The following INTS7 variants were observed in gnomAD, a reference collection of about 807,000 sequenced individuals.
The protein encoded by INTS7 is chromosome 1 open reading frame 73.
Under a neutral mutation model 109.2 loss-of-function variants are expected in INTS7, and 46 were observed. The ratio of observed to expected loss-of-function variants is 0.42; its 90% confidence interval spans 0.33 to 0.54. INTS7 has a LOEUF of 0.54. Among genes scored for constraint, INTS7 ranks in the 20% least tolerant of loss-of-function variants. INTS7 has a pLI of 0.07. For synonymous variants in INTS7, 412 were observed against 402.9 expected (o/e 1.02, Z -0.27); for missense variants, 929 against 1,132.4 (o/e 0.82, Z 2.58).
At chr1:211,978,184 TAAAGTCA>T (rs1664499804) in intron 11 of INTS7, 81 bp downstream of exon 11, 2 of 1,464,808 alleles carry the variant, frequency 1.4e-6, no homozygotes, top group Non-Finnish European at 1.9e-6. Flanking sequence ...GTTTTTTAAG[TAAAGTCA>T]AATAGTAATG....
chr1:211,982,533 T>G (rs1048628993), intron 9 of INTS7, 143 bp downstream of exon 9: 10 of 573,276 alleles, frequency 1.7e-5, no homozygotes, highest in Non-Finnish European at 2.7e-5. Flanking sequence ...TAAGAACACA[T>G]GCTCTAAGAA....
intron 7 of INTS7, among the ~76,000 whole-genome samples, chr1:211,990,106 T>C (rs1466878868): frequency 6.6e-6 from 1 of 152,166 alleles, no homozygotes; most frequent in Non-Finnish European, 1.5e-5. Context: ...TCTCAAAAAT[T>C]TTTAAATATC....
intron 15 of INTS7, 38 bp downstream of exon 15, chr1:211,967,840 C>T (rs767914967): frequency 2.8e-5 from 32 of 1,125,496 alleles, no homozygotes; most frequent in Non-Finnish European, 4.1e-5. Flanking sequence ...AGAATACTTC[C>T]AAAAAGAACA....
At chr1:212,031,372 T>G (rs1211602321) in intron 1 of INTS7, among the ~76,000 whole-genome samples, 1 of 152,238 alleles carries the variant, frequency 6.6e-6, no homozygotes, top group Non-Finnish European at 1.5e-5. Flanking sequence ...TCCTTTATAT[T>G]GCCAATTATG....
Position 211,959,044 on chromosome 1 carries a change from C to T in INTS7, c.2184-6343G>A, listed in dbSNP as rs1663492410. On this transcript the variant is annotated intron_variant, in intron 16 of 19. Coordinates refer to ENST00000366994, the MANE Select transcript of INTS7 (RefSeq NM_015434.4). This position sits in a 1 kb window ranked among gnomAD's most constrained non-coding sequence, Gnocchi z 4.2. ...TGACTTGAACTGGCAAAAAAACAAC[C>T]AGCTACTGCCACGGGCCTCTGGAAT... 6.6e-6 allele frequency among the ~76,000 whole-genome samples: 1 copy of T among 152,170 alleles called. No homozygotes were observed. Among genetic ancestry groups the T allele is most frequent in the Non-Finnish European group, 1.5e-5 (1 of 68,034 alleles).
intron 1 of INTS7, among the ~76,000 whole-genome samples, chr1:212,027,351 C>A (rs1666971404): frequency 6.6e-6 from 1 of 152,098 alleles, no homozygotes; most frequent in Non-Finnish European, 1.5e-5. Flanking sequence ...TTGCTTGCTA[C>A]AGGAAGAATG....
intron 7 of INTS7, among the ~76,000 whole-genome samples, chr1:211,991,442 C>A (rs1665139599): frequency 6.6e-6 from 1 of 151,968 alleles, no homozygotes; most frequent in Non-Finnish European, 1.5e-5. Context: ...GAAAAATATA[C>A]AAAAAAATAG....
intron 4 of INTS7, 32 bp from the exon 5 acceptor site, chr1:212,011,453 A>G (rs759408298): frequency 1.4e-6 from 2 of 1,407,966 alleles, no homozygotes; most frequent in Admixed American, 2.0e-5. Context: ...AACAGAAAAA[A>G]CTTACATTTG....
chr1:211,979,905 T>C (rs1317346602), intron 10 of INTS7, among the ~76,000 whole-genome samples: 2 of 152,218 alleles, frequency 1.3e-5, no homozygotes, highest in Non-Finnish European at 2.9e-5. Context: ...TGCACTTTTT[T>C]TGTGAAATAT....
chr1:212,028,967 T>C (rs1203860002), intron 1 of INTS7, among the ~76,000 whole-genome samples: 1 of 152,178 alleles, frequency 6.6e-6, no homozygotes, highest in Non-Finnish European at 1.5e-5. Flanking sequence ...TATGCTAAAA[T>C]GCATCTCTAG....
intron 16 of INTS7, 118 bp downstream of exon 16, chr1:211,966,312 T>G (rs1279466608): frequency 1.9e-6 from 1 of 538,764 alleles, no homozygotes; most frequent in Non-Finnish European, 3.3e-6. Context: ...TGCTGAAGAA[T>G]TCTTCCACTT....
intron 13 of INTS7, among the ~76,000 whole-genome samples, chr1:211,970,798 C>T (rs76481505): frequency 0.026 from 3,974 of 152,286 alleles, 58 homozygotes; most frequent in African/African-American, 0.046. Context: ...CTCTTATACA[C>T]TGCTGGGAGG....
At chr1:212,019,396 C>T (rs534537470) in intron 3 of INTS7, among the ~76,000 whole-genome samples, 1 of 152,124 alleles carries the variant, frequency 6.6e-6, no homozygotes, top group Non-Finnish European at 1.5e-5. Context: ...AAATTCTGAA[C>T]AAGAAGGAAG....
At chr1:211,989,176 T>C (rs1327997102) in intron 7 of INTS7, among the ~76,000 whole-genome samples, 1 of 152,146 alleles carries the variant, frequency 6.6e-6, no homozygotes, top group African/African-American at 2.4e-5. Context: ...TCAACAAAAC[T>C]GCAGGATGAT....
At chr1:211,979,387 T>G (rs975266047) in intron 10 of INTS7, among the ~76,000 whole-genome samples, 4 of 152,188 alleles carry the variant, frequency 2.6e-5, no homozygotes, top group Non-Finnish European at 5.9e-5. Context: ...ATTAGCTAGG[T>G]GGCTTTGAAC....
In INTS7 at chr1:211,946,714, A is replaced by C. The variant is rs986387354; in HGVS notation, c.2317-9T>G. ...CAGAGGCATGCTGTGTGCTGGGGGA[A>C]AAAAGAAACTAAATCAAATAAAAAT... On this transcript the variant is annotated splice_polypyrimidine_tract_variant and intron_variant, in intron 17 of 19. Transcript: ENST00000366994. This position sits in a 1 kb window ranked among gnomAD's most constrained non-coding sequence, Gnocchi z 4.3. The C allele has an allele frequency of 6.3e-7, 1 of 1,577,742 alleles. No homozygotes were observed.
intron 7 of INTS7, 30 bp from the exon 8 acceptor site, chr1:211,988,033 A>T: frequency 8.8e-7 from 1 of 1,131,774 alleles, no homozygotes; most frequent in Non-Finnish European, 1.3e-6. Context: ...TGAATATAGA[A>T]GTTAAAACAT....
At position 211,975,048 on chromosome 1, in the gene INTS7, A is replaced by G. The variant is rs1664358334; in HGVS notation, c.1815+118T>C. Reference sequence around the variant, plus strand: ...GGGAAAAGGTTAAGGGTTTATTTCCATGACCTATTTCATATCAGCAGGTTT... The same window carrying G: ...GGGAAAAGGTTAAGGGTTTATTTCCGTGACCTATTTCATATCAGCAGGTTT... On this transcript the variant is annotated intron_variant, in intron 13 of 19. Transcript: ENST00000366994. 3 of 686,426 alleles carry G rather than the reference A, an allele frequency of 4.4e-6. No homozygotes were observed. In the Admixed American group the frequency reaches 7.6e-5, roughly 17 times the overall value. 42.5% of individuals were successfully genotyped at this position (686,426 alleles called of 1,614,324 possible).
intron 8 of INTS7, among the ~76,000 whole-genome samples, chr1:211,984,078 C>T (rs1003318658): frequency 6.6e-6 from 1 of 151,936 alleles, no homozygotes; most frequent in African/African-American, 2.4e-5. Context: ...GTTGCTCAGG[C>T]TGGTCTCAAA....
Sources: allele counts gnomAD v4.1 joint callset (sites outside exome capture counted in the v4.1 genomes callset), GRCh38; gene constraint gnomAD v4.1.1; non-coding constraint Gnocchi (gnomAD v3.1); transcripts MANE v1.5; gene names NCBI Gene and HGNC (gene_info 2026-07-23, HGNC 2026-07-21).